The following METTL14 variants were observed in gnomAD, a reference collection of about 807,000 sequenced individuals.
The protein encoded by METTL14 is methyltransferase 14, N6-adenosine-methyltransferase non-catalytic subunit.
A neutral mutation model predicts 62.4 loss-of-function variants in METTL14; 32 were observed. That is an observed-to-expected ratio of 0.51 (90% confidence interval 0.39 to 0.69). The LOEUF is 0.69. Among genes scored for constraint, METTL14 ranks in the 30% least tolerant of loss-of-function variants. The probability of loss-of-function intolerance (pLI) is 0.00; values close to 1 mark genes in which losing one functional copy is unlikely to be tolerated. For synonymous variants in METTL14, 150 were observed against 180.0 expected (o/e 0.83, Z 1.34); for missense variants, 340 against 551.9 (o/e 0.62, Z 3.85).
chr4:118,688,122 A>T, intron 2 of METTL14, 111 bp downstream of exon 2: 1 of 824,012 alleles, frequency 1.2e-6, no homozygotes, highest in Non-Finnish European at 1.9e-6. Flanking sequence ...TGCAGCCTTG[A>T]CTCCTGGGCT....
At chr4:118,703,910 G>T in intron 8 of METTL14, 25 bp from the exon 9 acceptor site, 1 of 1,288,384 alleles carries the variant, frequency 7.8e-7, no homozygotes. Context: ...TTAAGGATTT[G>T]TGTTTAAAAT....
At position 118,713,729 on chromosome 4, in the gene METTL14, T is replaced by C. The variant is rs1724986468; in HGVS notation, c.*3427T>C. 1 of 151,540 alleles carries C rather than the reference T, an allele frequency of 6.6e-6. No homozygotes were observed. The highest frequency in any genetic ancestry group is 1.5e-5 in the Non-Finnish European group (1 of 68,022). 9.4% of individuals were successfully genotyped at this position (151,540 alleles called of 1,614,324 possible). A position where few individuals can be genotyped will look rare whatever the true frequency, so the allele number is the denominator to read the frequency against. ...ATAGAGGCTGAACTTTTCTTGTGTA[T>C]ATATAGTTAGTTTTGAGGCCATAAA... On this transcript the variant is annotated 3_prime_UTR_variant, in exon 11 of 11. Transcript: ENST00000388822.
chr4:118,692,103 ACT>A (rs750888698), intron 5 of METTL14, 35 bp downstream of exon 5: 33 of 1,181,288 alleles, frequency 2.8e-5, no homozygotes, highest in Middle Eastern at 1.9e-4. Flanking sequence ...GCTATTGCTG[ACT>A]CTCAATTACA....
chr4:118,695,720 G>A (rs149914635), intron 6 of METTL14, among the ~76,000 whole-genome samples: 16 of 152,274 alleles, frequency 1.1e-4, no homozygotes, highest in East Asian at 7.7e-4. Flanking sequence ...CATTTCAACC[G>A]TTGCTAAGCA....
intron 6 of METTL14, among the ~76,000 whole-genome samples, chr4:118,695,528 G>A (rs968242604): frequency 2.6e-5 from 4 of 152,130 alleles, no homozygotes; most frequent in Admixed American, 6.5e-5. Flanking sequence ...TAGCCTGGGT[G>A]ACGGAGTGAG....
At chr4:118,698,620 T>G (rs1367266314) in intron 7 of METTL14, among the ~76,000 whole-genome samples, 1 of 152,020 alleles carries the variant, frequency 6.6e-6, no homozygotes, top group Non-Finnish European at 1.5e-5. Context: ...TTAGTAAGAT[T>G]GAGTGATTGG....
intron 7 of METTL14, among the ~76,000 whole-genome samples, chr4:118,700,298 A>C (rs1402542269): frequency 6.6e-6 from 1 of 152,144 alleles, no homozygotes; most frequent in African/African-American, 2.4e-5. Context: ...GTTTCCTATA[A>C]GCTCTTTCCA....
chr4:118,686,762 T>C, intron 1 of METTL14: 1 of 405,818 alleles, frequency 2.5e-6, no homozygotes, highest in Middle Eastern at 3.6e-4. Context: ...AATTCAAACT[T>C]CTATTTGACT....
chr4:118,688,823 G>A (rs755729291), intron 2 of METTL14, among the ~76,000 whole-genome samples: 19 of 151,988 alleles, frequency 1.3e-4, no homozygotes, highest in Non-Finnish European at 2.2e-4. Flanking sequence ...ACAGGTGCGC[G>A]CCACCACCCC....
intron 2 of METTL14, 113 bp downstream of exon 2, chr4:118,688,124 T>G: frequency 1.2e-6 from 1 of 823,738 alleles, no homozygotes; most frequent in Non-Finnish European, 1.9e-6. Context: ...CAGCCTTGAC[T>G]CCTGGGCTCA....
rs1724920239 is a variant in METTL14, at chr4:118,711,477, A to G, written c.*1175A>G. Reference sequence around the variant, plus strand: ...TTGAGAGTCTGTTTTCTATAAGTAGAATTACTGTTGTTACAAAATGAAAAA... The same window carrying G: ...TTGAGAGTCTGTTTTCTATAAGTAGGATTACTGTTGTTACAAAATGAAAAA... On this transcript the variant is annotated 3_prime_UTR_variant, in exon 11 of 11. Transcript: ENST00000388822. 6.6e-6 allele frequency: 1 copy of G among 152,200 alleles called. No homozygotes were observed. The highest frequency in any genetic ancestry group is 1.5e-5 in the Non-Finnish European group (1 of 68,036). The allele number at this position is 152,200 out of a possible 1,614,324, so 9.4% of individuals were successfully genotyped here.
intron 1 of METTL14, 98 bp downstream of exon 1, chr4:118,685,698 C>T (rs944930039): frequency 5.8e-6 from 6 of 1,042,464 alleles, no homozygotes; most frequent in Non-Finnish European, 8.8e-6. Context: ...CCTTCTCTAC[C>T]TGCCGCTGTT....
chr4:118,689,483 T>A, intron 3 of METTL14, 26 bp downstream of exon 3: 1 of 1,306,290 alleles, frequency 7.7e-7, no homozygotes, highest in Non-Finnish European at 1.1e-6. Context: ...AATAAGTTTA[T>A]GGTCAAAGAA....
In METTL14 at chr4:118,688,086, A is replaced by T; in HGVS notation, c.155+75A>T. Reference sequence around the variant, plus strand: ...CTGTTGCTTAGGCTGGATAGGCTGGAGTACAGTAGCATGATTATGGCTCAC... The same window carrying T: ...CTGTTGCTTAGGCTGGATAGGCTGGTGTACAGTAGCATGATTATGGCTCAC... On this transcript the variant is annotated intron_variant, in intron 2 of 10. Coordinates refer to ENST00000388822, the MANE Select transcript of METTL14 (RefSeq NM_020961.4). 3.3e-6 allele frequency: 4 copies of T among 1,210,506 alleles called. No individual in the cohort carries two copies. In the Admixed American group the frequency reaches 6.3e-5, roughly 19 times the overall value. The allele number at this position is 1,210,506 out of a possible 1,614,324, so 75.0% of individuals were successfully genotyped here.
At chr4:118,702,379 A>G (rs1724621861) in intron 8 of METTL14, among the ~76,000 whole-genome samples, 1 of 152,152 alleles carries the variant, frequency 6.6e-6, no homozygotes, top group South Asian at 2.1e-4. Context: ...AAATTAGTGG[A>G]TTAGGGCATG....
intron 3 of METTL14, among the ~76,000 whole-genome samples, chr4:118,689,988 T>C (rs1348900494): frequency 1.3e-5 from 2 of 150,448 alleles, no homozygotes; most frequent in Non-Finnish European, 3.0e-5. Flanking sequence ...AGGTTATATA[T>C]ATGAGGCACT....
At chr4:118,697,120 T>G in intron 6 of METTL14, 62 bp from the exon 7 acceptor site, 1 of 1,310,480 alleles carries the variant, frequency 7.6e-7, no homozygotes, top group Non-Finnish European at 1.1e-6. Flanking sequence ...TTAAGGTACT[T>G]GAAAATCTTA....
rs1202785608 is a variant in METTL14 at position 118,700,578 on chromosome 4, C to T, written c.674C>T (p.Ala225Val). The change falls in exon 8 of 11, where the codon GCA becomes GTA. Residue 225 changes from alanine to valine, a missense_variant. Ala to Val is a moderately conservative substitution (Grantham distance 64). Around this residue, in one of 7 missense-constraint regions of METTL14, gnomAD observed 58 missense variants for 147.5 expected, o/e 0.39. Coordinates refer to ENST00000388822, the MANE Select transcript of METTL14 (RefSeq NM_020961.4). ...DIMKLEIDEIAAPRSFIFLWC... is the reference protein window; with the variant it reads ...DIMKLEIDEIVAPRSFIFLWC... The stretch of plus-strand genomic sequence containing the variant: ...ATGAAGTTAGAAATTGATGAGATTG[C>T]AGCACCTCGATCATTTATTTTTCTC... The T allele has an allele frequency of 6.2e-7, 1 of 1,612,676 alleles. No homozygotes were observed. Among genetic ancestry groups the T allele is most frequent in the Non-Finnish European group, 8.5e-7 (1 of 1,179,156 alleles).
chr4:118,689,642 CTT>C (rs1322632179), intron 3 of METTL14, among the ~76,000 whole-genome samples, 185 bp downstream of exon 3: 1 of 143,872 alleles, frequency 7.0e-6, no homozygotes, highest in Non-Finnish European at 1.5e-5. Context: ...TTTTTCTTTT[CTT>C]TTCCTTTTTT....
Sources: gnomAD v4.1 joint callset for allele counts (sites outside exome capture counted in the v4.1 genomes callset) on GRCh38, gnomAD v4.1.1 for gene constraint, gnomAD v4.1.1 regional missense constraint, MANE v1.5 for transcripts, NCBI Gene and HGNC (gene_info 2026-07-23, HGNC 2026-07-21) for gene names.